The following KCND3 variants were observed in gnomAD, a reference collection of about 807,000 sequenced individuals.
The protein encoded by KCND3 is A-type voltage-gated potassium channel KCND3.
In KCND3, 9 loss-of-function variants were observed where a neutral mutation model predicts 51.1. That is an observed-to-expected ratio of 0.18 (90% CI 0.11 to 0.31). The LOEUF (loss-of-function observed/expected upper bound fraction) is 0.31. Ranked by LOEUF, KCND3 falls within the 10% of genes least tolerant of loss-of-function variation. KCND3 has a pLI of 1.00. For missense variants in KCND3, 526 were observed against 903.8 expected (o/e 0.58, Z 5.36); for synonymous variants, 349 against 368.0 (o/e 0.95, Z 0.59).
chr1:111,963,205 T>C (rs984824356), intron 2 of KCND3, among the ~76,000 whole-genome samples: 3 of 152,360 alleles, frequency 2.0e-5, no homozygotes, highest in East Asian at 1.9e-4. Flanking sequence ...AATAAATGTT[T>C]ATGATTTAAG....
intron 2 of KCND3, among the ~76,000 whole-genome samples, chr1:111,839,596 A>G (rs966276006): frequency 2.0e-4 from 31 of 152,378 alleles, no homozygotes; most frequent in African/African-American, 7.2e-4. Context: ...GGAGAGGAAG[A>G]GCATTACACG....
chr1:111,928,766 G>A (rs928797025), intron 2 of KCND3, among the ~76,000 whole-genome samples: 1 of 152,104 alleles, frequency 6.6e-6, no homozygotes, highest in African/African-American at 2.4e-5. Context: ...TTGCCACATA[G>A]ATCTCACGCA....
Position 111,787,036 on chromosome 1 carries a change from G to A in KCND3, c.1177C>T (p.Leu393=). 1 of 1,614,196 alleles carries A rather than the reference G, an allele frequency of 6.2e-7. No individual in the cohort carries two copies. The highest frequency in any genetic ancestry group is 8.5e-7 in the Non-Finnish European group (1 of 1,180,036). ...FGSICSLSGV[L]VIALPVPVIV... ...ACAGGGACTGGCAGGGCAATGACCA[G>A]GACGCCACTCAAGGAGCAGATGGAG... Residue 393 remains leucine, a synonymous_variant, in exon 3 of 8, where the codon CTG becomes TTG. Coordinates refer to ENST00000302127, the MANE Select transcript of KCND3 (RefSeq NM_001378969.1).
intron 2 of KCND3, among the ~76,000 whole-genome samples, chr1:111,941,137 G>C (rs1242792002): frequency 6.6e-6 from 1 of 152,128 alleles, no homozygotes; most frequent in Non-Finnish European, 1.5e-5. Flanking sequence ...TGCTATGTCA[G>C]GGTTAAAAAT....
At chr1:111,984,512 C>T (rs1032614610) in intron 1 of KCND3, among the ~76,000 whole-genome samples, 25 of 152,306 alleles carry the variant, frequency 1.6e-4, no homozygotes, top group Admixed American at 3.3e-4. Context: ...TCCCACGGGC[C>T]TTCTTGTCTC....
In KCND3 at chr1:111,982,094, C is replaced by A. The variant is rs35131566; in HGVS notation, c.633G>T (p.Pro211=). The A allele has an allele frequency of 1.1e-4, 184 of 1,613,608 alleles. 1 individual carries two copies. In the African/African-American group the frequency reaches 2.0e-3, roughly 17 times the overall value. The part of the protein sequence containing the change: ...VVETVPCGTV[P]GSKELPCGER... Reference sequence around the variant, plus strand: ...CCCCGCACGGCAGCTCCTTGCTGCCCGGGACCGTGCCGCACGGCACCGTCT... The same window carrying A: ...CCCCGCACGGCAGCTCCTTGCTGCCAGGGACCGTGCCGCACGGCACCGTCT... Residue 211 remains proline (P), a synonymous_variant, in exon 2 of 8, where the codon CCG becomes CCT. Transcript: ENST00000302127. This position sits in a 1 kb window ranked among gnomAD's most constrained non-coding sequence, Gnocchi z 8.5.
At position 111,982,400 on chromosome 1, in the gene KCND3, C is replaced by T. The variant is rs758143268; in HGVS notation, c.327G>A (p.Glu109=). 1 of 1,614,224 alleles carries T rather than the reference C, an allele frequency of 6.2e-7. No homozygotes were observed. Among genetic ancestry groups the T allele is most frequent in the Non-Finnish European group, 8.5e-7 (1 of 1,180,050 alleles). ...GCTCGTCGTCGTAGGCAGAGATGCA[C>T]TCGTAGCGCGGGTAGTGCAGCTTCC... ...RTGKLHYPRY[E]CISAYDDELA... Residue 109 remains glutamate, a synonymous_variant, in exon 2 of 8, where the codon GAG becomes GAA. Coordinates refer to ENST00000302127, the MANE Select transcript of KCND3 (RefSeq NM_001378969.1). The surrounding 1 kb of genome is among the most constrained non-coding windows in gnomAD (Gnocchi z 8.5).
At position 111,774,981 on chromosome 1, in the gene KCND3, T is replaced by G. The variant is rs1336945903; in HGVS notation, c.*1096A>C. 6.6e-6 allele frequency: 1 copy of G among 152,190 alleles called. No individual in the cohort carries two copies. The highest frequency in any genetic ancestry group is 6.5e-5 in the Admixed American group (1 of 15,290). The allele number at this position is 152,190 out of a possible 1,614,324, so 9.4% of individuals were successfully genotyped here. A position where few individuals can be genotyped will look rare whatever the true frequency, so the allele number is the denominator to read the frequency against. ...TTGACCGCGTCTCAGGTGTTGGCGA[T>G]TTGCCTTTTCAAGATTCCAGTGTGA... On this transcript the variant is annotated 3_prime_UTR_variant, in exon 8 of 8. Coordinates refer to ENST00000302127, the MANE Select transcript of KCND3 (RefSeq NM_001378969.1).
intron 2 of KCND3, among the ~76,000 whole-genome samples, chr1:111,972,106 C>G (rs920001611): frequency 2.6e-5 from 4 of 151,740 alleles, no homozygotes; most frequent in Non-Finnish European, 5.9e-5. Flanking sequence ...ATTTTAGGCT[C>G]TCTGCATCTC....
At chr1:111,819,866 A>G (rs149600892) in intron 2 of KCND3, among the ~76,000 whole-genome samples, 35 of 152,198 alleles carry the variant, frequency 2.3e-4, no homozygotes, top group African/African-American at 7.5e-4. Context: ...ACTGAGTCCA[A>G]GGATGCTTTC....
At chr1:111,963,386 G>A (rs774201188) in intron 2 of KCND3, among the ~76,000 whole-genome samples, 3 of 152,196 alleles carry the variant, frequency 2.0e-5, no homozygotes, top group Admixed American at 6.5e-5. Flanking sequence ...AATGCCTCAG[G>A]GTGAAACCCT....
intron 2 of KCND3, among the ~76,000 whole-genome samples, chr1:111,899,130 C>A (rs553996825): frequency 6.6e-6 from 1 of 152,290 alleles, no homozygotes; most frequent in African/African-American, 2.4e-5. Flanking sequence ...CAGTGCAGCC[C>A]CACAGTGACT....
intron 2 of KCND3, among the ~76,000 whole-genome samples, chr1:111,914,271 T>A (rs78685625): frequency 1.8e-5 from 2 of 111,934 alleles, no homozygotes; most frequent in Non-Finnish European, 4.0e-5. Context: ...GGAAAAAAGA[T>A]TAAAAAAAAA....
chr1:111,888,578 A>T (rs992949197), intron 2 of KCND3, among the ~76,000 whole-genome samples: 4 of 149,976 alleles, frequency 2.7e-5, no homozygotes, highest in Non-Finnish European at 5.9e-5. Context: ...GCTACTCGGG[A>T]GGCTGAGGAA....
intron 2 of KCND3, among the ~76,000 whole-genome samples, chr1:111,928,343 T>C (rs1671808347): frequency 2.6e-5 from 4 of 152,160 alleles, no homozygotes; most frequent in Admixed American, 6.5e-5. Context: ...TCTCGGAGTC[T>C]CAGCTGATGG....
At chr1:111,933,224 T>C (rs937575683) in intron 2 of KCND3, among the ~76,000 whole-genome samples, 3 of 152,222 alleles carry the variant, frequency 2.0e-5, no homozygotes, top group Non-Finnish European at 4.4e-5. Flanking sequence ...TCCCCAGTCA[T>C]GTGGAACTGT....
intron 5 of KCND3, among the ~76,000 whole-genome samples, chr1:111,779,142 C>A (rs1664260603): frequency 1.3e-5 from 2 of 152,132 alleles, no homozygotes; most frequent in Admixed American, 1.3e-4. Context: ...AACTGTCATC[C>A]ACAGGGTCCA....
chr1:111,800,988 G>C (rs2101545187), intron 2 of KCND3, among the ~76,000 whole-genome samples: 1 of 152,384 alleles, frequency 6.6e-6, no homozygotes, highest in Non-Finnish European at 1.5e-5. Flanking sequence ...AGCAGCACAT[G>C]TGTCTGGTCA....
chr1:111,931,478 G>C (rs1250072460), intron 2 of KCND3, among the ~76,000 whole-genome samples: 1 of 152,166 alleles, frequency 6.6e-6, no homozygotes. Context: ...ACAGAAAGGA[G>C]AGCCCATAGC....
Sources: allele counts gnomAD v4.1 joint callset (sites outside exome capture counted in the v4.1 genomes callset), GRCh38; gene constraint gnomAD v4.1.1; non-coding constraint Gnocchi (gnomAD v3.1); transcripts MANE v1.5; gene names NCBI Gene and HGNC (gene_info 2026-07-23, HGNC 2026-07-21).